The following OTOP1 variants were observed in gnomAD, a reference collection of about 807,000 sequenced individuals.
OTOP1 encodes otopetrin 1, also known as proton channel OTOP1.
In OTOP1, 59 loss-of-function variants were observed where a neutral mutation model predicts 52.9. The ratio of observed to expected loss-of-function variants is 1.12; its 90% CI spans 0.91 to 1.39. OTOP1 has a LOEUF of 1.39. OTOP1 is among the 40% of genes most tolerant of loss of function. The pLI is 0.00. For missense variants in OTOP1, 761 were observed against 800.9 expected, an observed-to-expected ratio of 0.95 and a Z score of 0.60; for synonymous variants, 317 against 337.7, an observed-to-expected ratio of 0.94 and a Z score of 0.67.
intron 4 of OTOP1, among the ~76,000 whole-genome samples, chr4:4,201,185 T>G (rs1716778024): frequency 6.6e-6 from 1 of 152,082 alleles, no homozygotes; most frequent in Non-Finnish European, 1.5e-5. Flanking sequence ...TCCCAACACT[T>G]TGGGAGGCCA....
At chr4:4,224,562 C>T (rs900808721) in intron 1 of OTOP1, among the ~76,000 whole-genome samples, 1 of 152,136 alleles carries the variant, frequency 6.6e-6, no homozygotes, top group Non-Finnish European at 1.5e-5. Flanking sequence ...AAGTCAATAT[C>T]CTAAAATAAC....
intron 5 of OTOP1, among the ~76,000 whole-genome samples, chr4:4,189,520 G>A (rs1665532745): frequency 6.6e-6 from 1 of 152,142 alleles, no homozygotes; most frequent in African/African-American, 2.4e-5. Flanking sequence ...GTGGCAGGCA[G>A]CCTCTAGGAT....
intron 1 of OTOP1, among the ~76,000 whole-genome samples, chr4:4,221,189 C>T (rs576836082): frequency 7.9e-5 from 12 of 151,842 alleles, no homozygotes; most frequent in Non-Finnish European, 1.8e-4. Context: ...AAGCAATTCT[C>T]CTGCCTCAGC....
chr4:4,207,997 G>T (rs1472362721), intron 2 of OTOP1, among the ~76,000 whole-genome samples: 1 of 152,162 alleles, frequency 6.6e-6, no homozygotes, highest in African/African-American at 2.4e-5. Flanking sequence ...TGTGAGAGGG[G>T]GTAGAGGAAT....
chr4:4,200,744 G>A (rs1401530535), intron 4 of OTOP1, among the ~76,000 whole-genome samples: 1 of 92,660 alleles, frequency 1.1e-5, no homozygotes, highest in African/African-American at 3.7e-5. Flanking sequence ...TTTTTTCAGA[G>A]CTGGGGTCTC....
chr4:4,203,495 C>T (rs887645232), intron 3 of OTOP1, among the ~76,000 whole-genome samples: 1 of 152,176 alleles, frequency 6.6e-6, no homozygotes, highest in African/African-American at 2.4e-5. Flanking sequence ...AGAGCCCTGC[C>T]CTTGGCTCTT....
rs571267636 is a variant in OTOP1 at position 4,214,655 on chromosome 4, T to C, written c.404-1651A>G. 5.3e-5 allele frequency among the ~76,000 whole-genome samples: 8 copies of C among 152,308 alleles called. No homozygotes were observed. In the East Asian group the frequency reaches 5.8e-4, roughly 11 times the overall value. On this transcript the variant is annotated intron_variant, in intron 1 of 5. Coordinates refer to ENST00000296358, the MANE Select transcript of OTOP1 (RefSeq NM_177998.3). ...AGAAATTCTGACACACGATACAGTATGGATGAGCCATGAGGACATTATGCT... is the reference window on the plus strand; with the variant it reads ...AGAAATTCTGACACACGATACAGTACGGATGAGCCATGAGGACATTATGCT...
chr4:4,216,552 A>G (rs1227646191), intron 1 of OTOP1, among the ~76,000 whole-genome samples: 1 of 152,216 alleles, frequency 6.6e-6, no homozygotes, highest in African/African-American at 2.4e-5. Flanking sequence ...AAGTAATGCA[A>G]TCGCCTGGCG....
intron 5 of OTOP1, among the ~76,000 whole-genome samples, chr4:4,192,592 G>C (rs748074308): frequency 3.9e-5 from 6 of 152,090 alleles, no homozygotes; most frequent in Admixed American, 2.0e-4. Context: ...CTTAACTCTG[G>C]TCCTTCCTTC....
intron 4 of OTOP1, among the ~76,000 whole-genome samples, chr4:4,202,168 G>A (rs1258585382): frequency 6.6e-6 from 1 of 152,170 alleles, no homozygotes; most frequent in African/African-American, 2.4e-5. Context: ...TATTTTTGCC[G>A]CAAACTGGAC....
intron 4 of OTOP1, among the ~76,000 whole-genome samples, chr4:4,202,049 T>A (rs1397579048): frequency 6.6e-6 from 1 of 152,200 alleles, no homozygotes; most frequent in Non-Finnish European, 1.5e-5. Flanking sequence ...TAGACTCCTA[T>A]GAATTTTTAA....
chr4:4,192,655 C>T (rs1282422782), intron 5 of OTOP1, among the ~76,000 whole-genome samples: 23 of 152,126 alleles, frequency 1.5e-4, no homozygotes, highest in African/African-American at 3.6e-4. Context: ...CAGGGTCCTC[C>T]ATCTCCAACA....
intron 2 of OTOP1, among the ~76,000 whole-genome samples, chr4:4,207,541 G>A (rs952607745): frequency 6.6e-6 from 1 of 151,052 alleles, no homozygotes; most frequent in Non-Finnish European, 1.5e-5. Context: ...TTAAATAAAT[G>A]CTTTTTGCTT....
chr4:4,219,868 T>TAC (rs1220896753), intron 1 of OTOP1, among the ~76,000 whole-genome samples: 1 of 146,526 alleles, frequency 6.8e-6, no homozygotes, highest in Admixed American at 6.8e-5. Flanking sequence ...TATATATGTA[T>TAC]ACATATATGT....
chr4:4,202,638 G>A, intron 3 of OTOP1, 60 bp from the exon 4 acceptor site: 1 of 1,597,102 alleles, frequency 6.3e-7, no homozygotes, highest in Non-Finnish European at 8.6e-7. Flanking sequence ...GCACCATGGG[G>A]TGAGACAGAC....
chr4:4,222,095 T>G (rs1330338598), intron 1 of OTOP1, among the ~76,000 whole-genome samples: 1 of 152,190 alleles, frequency 6.6e-6, no homozygotes, highest in East Asian at 1.9e-4. Flanking sequence ...ATTTACTACA[T>G]GTTAGGCACT....
chr4:4,222,090 C>G (rs944438563), intron 1 of OTOP1, among the ~76,000 whole-genome samples: 1 of 152,170 alleles, frequency 6.6e-6, no homozygotes, highest in African/African-American at 2.4e-5. Context: ...TTGGCATTTA[C>G]TACATGTTAG....
intron 4 of OTOP1, among the ~76,000 whole-genome samples, chr4:4,201,499 C>T (rs1335266494): frequency 6.6e-6 from 1 of 150,742 alleles, no homozygotes; most frequent in Non-Finnish European, 1.5e-5. Context: ...CACACACACA[C>T]ATACACACAC....
rs1716415419 is a variant in OTOP1 at position 4,188,795 on chromosome 4, G to A, written c.*8C>T. 6.2e-7 allele frequency: 1 copy of A among 1,608,000 alleles called. No individual in the cohort carries two copies. Among genetic ancestry groups the A allele is most frequent in the African/African-American group, 1.3e-5 (1 of 74,778 alleles). ...TTAGCTCACTCCTAGGTCTCTTGTG[G>A]ACCCAGACTATATCTTACAATAGAC... On this transcript the variant is annotated 3_prime_UTR_variant, in exon 6 of 6. Coordinates refer to ENST00000296358, the MANE Select transcript of OTOP1 (RefSeq NM_177998.3).
Sources: allele counts gnomAD v4.1 joint callset (sites outside exome capture counted in the v4.1 genomes callset), GRCh38; gene constraint gnomAD v4.1.1; transcripts MANE v1.5; gene names NCBI Gene and HGNC (gene_info 2026-07-23, HGNC 2026-07-21).